KIFAP3: variants seen among roughly 807,000 people sequenced by gnomAD.
KIFAP3 encodes the protein kinesin-associated protein 3.
Under a neutral mutation model 106.5 loss-of-function variants are expected in KIFAP3, and 68 were observed. The ratio of observed to expected loss-of-function variants is 0.64; its 90% confidence interval spans 0.53 to 0.78. The LOEUF is 0.78. KIFAP3 is among the 30% of genes least tolerant of loss of function. The probability of loss-of-function intolerance (pLI) is 0.00; values close to 1 mark genes in which losing one functional copy is unlikely to be tolerated. For missense variants in KIFAP3, 780 were observed against 941.8 expected, an observed-to-expected ratio of 0.83 and a Z score of 2.25; for synonymous variants, 320 against 311.5, an observed-to-expected ratio of 1.03 and a Z score of -0.29.
chr1:169,976,842 C>T (rs554117280), intron 16 of KIFAP3, among the ~76,000 whole-genome samples: 14 of 152,148 alleles, frequency 9.2e-5, no homozygotes, highest in Non-Finnish European at 1.8e-4. Flanking sequence ...TTCGGTGTCC[C>T]GAGTAGCTGG....
rs1268907265 is a variant in KIFAP3, at chr1:169,982,092, C to A, written c.1678G>T (p.Ala560Ser). The A allele has an allele frequency of 6.2e-7, 1 of 1,612,898 alleles. No homozygotes were observed. Among genetic ancestry groups the A allele is most frequent in the South Asian group, 1.1e-5 (1 of 90,824 alleles). ...ACTTCTAAAACAAGATCATCTTCTG[C>A]AGCACCTAGTGAAGTCAAACCATAG... ...YLKDKLKPGA[A>S]EDDLVLEVVI... The change falls in exon 15 of 20, where the codon GCA becomes TCA. Residue 560 changes from alanine to serine, a missense_variant. Around this residue, in one of 3 missense-constraint regions of KIFAP3, gnomAD observed 588 missense variants for 678.9 expected, o/e 0.87. Transcript: ENST00000361580.
chr1:170,033,949 T>C (rs986511470), intron 7 of KIFAP3, among the ~76,000 whole-genome samples: 1 of 151,818 alleles, frequency 6.6e-6, no homozygotes, highest in Non-Finnish European at 1.5e-5. Context: ...CCTAGAAAAA[T>C]AGAACCTTTA....
chr1:170,014,586 G>A (rs1668412818), intron 10 of KIFAP3, among the ~76,000 whole-genome samples: 1 of 152,110 alleles, frequency 6.6e-6, no homozygotes, highest in Admixed American at 6.5e-5. Context: ...CTATATATCT[G>A]TAGGTTGAAA....
intron 10 of KIFAP3, among the ~76,000 whole-genome samples, chr1:170,013,346 A>C (rs1236549811): frequency 6.6e-6 from 1 of 151,870 alleles, no homozygotes; most frequent in East Asian, 1.9e-4. Flanking sequence ...GTGTTTTGGG[A>C]TTCTATGTAT....
chr1:170,029,687 A>C (rs1357427855), intron 8 of KIFAP3, among the ~76,000 whole-genome samples: 2 of 151,978 alleles, frequency 1.3e-5, no homozygotes, highest in African/African-American at 4.8e-5. Flanking sequence ...AAATCAATGG[A>C]ATAAAAAATT....
At chr1:170,075,008 A>G (rs757740969), upstream of KIFAP3, among the ~76,000 whole-genome samples, 1 of 152,240 alleles carries the variant, frequency 6.6e-6, no homozygotes, top group Non-Finnish European at 1.5e-5. Flanking sequence ...GATTGCACTT[A>G]CAAGCTCTAA....
In KIFAP3 at chr1:170,024,419, A is replaced by G; in HGVS notation, c.1019T>C (p.Met340Thr). 6.4e-7 allele frequency: 1 copy of G among 1,553,866 alleles called. No homozygotes were observed. The highest frequency in any genetic ancestry group is 8.7e-7 in the Non-Finnish European group (1 of 1,148,064). The change falls in exon 9 of 20, where the codon ATG becomes ACG. Residue 340 changes from methionine to threonine, a missense_variant and splice_region_variant. Met to Thr is a moderately conservative substitution (Grantham distance 81). Coordinates refer to ENST00000361580, the MANE Select transcript of KIFAP3 (RefSeq NM_014970.4). Reference sequence around the variant, plus strand: ...TCAAGAAAAAGCTTTGTAAGTTACCATATCATTTTTATTCTCCATAAAAAT... The same window carrying G: ...TCAAGAAAAAGCTTTGTAAGTTACCGTATCATTTTTATTCTCCATAAAAAT... ...LSIFMENKND[M>T]VEMDIVEKLV...
At chr1:169,949,165 T>C (rs1664603519) in intron 19 of KIFAP3, among the ~76,000 whole-genome samples, 1 of 151,478 alleles carries the variant, frequency 6.6e-6, no homozygotes, top group African/African-American at 2.4e-5. Flanking sequence ...GAGACCAAAA[T>C]AGAAGGCATA....
chr1:169,960,374 GTAA>G (rs1665259177), intron 18 of KIFAP3, among the ~76,000 whole-genome samples: 1 of 151,996 alleles, frequency 6.6e-6, no homozygotes, highest in Non-Finnish European at 1.5e-5. Flanking sequence ...CTTCAATGAA[GTAA>G]TATTAATGTT....
chr1:169,961,078 A>T lies in KIFAP3; in HGVS notation c.2141T>A (p.Ile714Asn). ...GTAGAAAAGGTCAGGTCTTTCGAGAATATCTCCTTCATGAATGTATGGCTC... is the reference window on the plus strand; with the variant it reads ...GTAGAAAAGGTCAGGTCTTTCGAGATTATCTCCTTCATGAATGTATGGCTC... ...RIEPYIHEGD[I>N]LERPDLFYNS... Residue 714 changes from isoleucine (I) to asparagine (N), a missense_variant, in exon 18 of 20, where the codon ATT (isoleucine) becomes AAT (asparagine). Transcript: ENST00000361580. 5 of 1,612,846 alleles carry T rather than the reference A, an allele frequency of 3.1e-6. No homozygotes were observed. Among genetic ancestry groups the T allele is most frequent in the Non-Finnish European group, 4.2e-6 (5 of 1,179,320 alleles).
At chr1:170,074,951 A>T (rs1016359158), upstream of KIFAP3, among the ~76,000 whole-genome samples, 1 of 152,256 alleles carries the variant, frequency 6.6e-6, no homozygotes, top group Non-Finnish European at 1.5e-5. Flanking sequence ...GCTATACAGC[A>T]GTCCAGCTAA....
intron 2 of KIFAP3, among the ~76,000 whole-genome samples, chr1:170,050,239 A>G (rs915085265): frequency 6.6e-6 from 1 of 152,132 alleles, no homozygotes; most frequent in African/African-American, 2.4e-5. Context: ...CAGAATAAAG[A>G]TTAGAGATTG....
chr1:169,974,016 G>C (rs971087107), intron 16 of KIFAP3, among the ~76,000 whole-genome samples: 5 of 151,682 alleles, frequency 3.3e-5, no homozygotes, highest in African/African-American at 1.2e-4. Context: ...TATCATATTG[G>C]ATAGCAAATA....
intron 4 of KIFAP3, 58 bp downstream of exon 4, chr1:170,039,175 A>T: frequency 9.9e-7 from 1 of 1,009,854 alleles, no homozygotes; most frequent in South Asian, 1.8e-5. Context: ...TTATTGATGG[A>T]AAAAGGCAAT....
chr1:170,031,578 A>G (rs1327378808), intron 8 of KIFAP3, among the ~76,000 whole-genome samples: 1 of 151,796 alleles, frequency 6.6e-6, no homozygotes, highest in Non-Finnish European at 1.5e-5. Context: ...CACTTTATAA[A>G]ACAAGTAAGT....
rs1347847675 is a variant in KIFAP3 at position 169,983,218 on chromosome 1, T to C, written c.1506+52A>G. ...TCAGTAAGAGCTGTATTTCCAAATG[T>C]AGCAATTTCAATTCCCAGTCTATTT... On this transcript the variant is annotated intron_variant, in intron 13 of 19. Coordinates refer to ENST00000361580, the MANE Select transcript of KIFAP3 (RefSeq NM_014970.4). 2.9e-5 allele frequency: 29 copies of C among 1,009,142 alleles called. No homozygotes were observed. The East Asian group carries it at 5.3e-4, about 18-fold the overall frequency. 62.5% of individuals were successfully genotyped at this position (1,009,142 alleles called of 1,614,324 possible). A position where few individuals can be genotyped will look rare whatever the true frequency, so the allele number is the denominator to read the frequency against.
chr1:169,982,395 C>T (rs923715848), intron 14 of KIFAP3, among the ~76,000 whole-genome samples: 3 of 151,864 alleles, frequency 2.0e-5, no homozygotes, highest in East Asian at 1.9e-4. Context: ...GACCTTTGTG[C>T]GTGTTTATGT....
At chr1:169,975,371 T>C (rs1666170064) in intron 16 of KIFAP3, among the ~76,000 whole-genome samples, 1 of 117,196 alleles carries the variant, frequency 8.5e-6, no homozygotes. Flanking sequence ...TATCAAATAA[T>C]ATTGATCAAA....
intron 19 of KIFAP3, among the ~76,000 whole-genome samples, chr1:169,930,149 TA>T (rs1663381243): frequency 6.6e-6 from 1 of 152,222 alleles, no homozygotes. Context: ...TACTTTTTGA[TA>T]CTATATCATT....
Sources: gnomAD v4.1 joint callset for allele counts (sites outside exome capture counted in the v4.1 genomes callset) on GRCh38, gnomAD v4.1.1 for gene constraint, gnomAD v4.1.1 regional missense constraint, MANE v1.5 for transcripts, NCBI Gene and HGNC (gene_info 2026-07-23, HGNC 2026-07-21) for gene names.